OR8B2: variants seen among roughly 807,000 people sequenced by gnomAD.
The protein encoded by OR8B2 is olfactory receptor family 8 subfamily B member 2.
For synonymous variants in OR8B2, 98 were observed against 138.2 expected, an observed-to-expected ratio of 0.71 and a Z score of 2.04; for missense variants, 304 against 379.6, an observed-to-expected ratio of 0.80 and a Z score of 1.65.
chr11:124,391,622 A>G, the OR8B2 span, among the ~76,000 whole-genome samples: 1 of 152,202 alleles, frequency 6.6e-6, no homozygotes, highest in African/African-American at 2.4e-5. Context: ...GGTAATCAGT[A>G]GCTTACCAAC....
At chr11:124,395,493 A>G in the OR8B2 span, 1 of 152,206 alleles carries the variant, frequency 6.6e-6, no homozygotes. Context: ...TAGTTTATTA[A>G]AATTAATATA....
chr11:124,387,040 G>C (rs1860714142), upstream of OR8B2, among the ~76,000 whole-genome samples: 2 of 152,202 alleles, frequency 1.3e-5, no homozygotes, highest in Non-Finnish European at 2.9e-5. Flanking sequence ...GTGTTTTTTG[G>C]CTGCATAAAT....
rs777070024 is a variant in OR8B2 at position 124,382,767 on chromosome 11, A to T, written c.577T>A (p.Tyr193Asn). The stretch of plus-strand genomic sequence containing the variant: ...ATGAGAACAACCACCTCGTTGACAT[A>T]GGTGCTGGTGCAGGAAAGCTGGAGG... ...PLLQLSCTST[Y>N]VNEVVVLIVV... The change falls in exon 2 of 2, where the codon TAT becomes AAT. Residue 193 changes from tyrosine to asparagine, a missense_variant. By Grantham distance (143) the Tyr-to-Asn change is moderately radical (BLOSUM62 -2). Coordinates refer to ENST00000641451, the MANE Select transcript of OR8B2 (RefSeq NM_001005468.2). 1 of 1,613,674 alleles carries T rather than the reference A, an allele frequency of 6.2e-7. No homozygotes were observed. The highest frequency in any genetic ancestry group is 8.5e-7 in the Non-Finnish European group (1 of 1,179,690).
At chr11:124,389,054 G>C (rs1860744382), upstream of OR8B2, among the ~76,000 whole-genome samples, 1 of 151,986 alleles carries the variant, frequency 6.6e-6, no homozygotes, top group African/African-American at 2.4e-5. Context: ...TCAATCTCTT[G>C]ACCTCATGAT....
chr11:124,396,128 T>C, the OR8B2 span: 1 of 269,972 alleles, frequency 3.7e-6, no homozygotes, highest in East Asian at 7.0e-5. Flanking sequence ...ATATGTCCAA[T>C]TAAGAACAGC....
the OR8B2 span, among the ~76,000 whole-genome samples, chr11:124,395,291 A>C: frequency 6.6e-6 from 1 of 152,120 alleles, no homozygotes; most frequent in East Asian, 1.9e-4. Context: ...AAAACAAAAC[A>C]AAACAAAAAA....
the OR8B2 span, among the ~76,000 whole-genome samples, chr11:124,393,437 C>T: frequency 1.0e-3 from 152 of 144,968 alleles, 1 homozygote; most frequent in Non-Finnish European, 1.9e-3. Context: ...ACAACCCCAT[C>T]AAAAAGTGGG....
the OR8B2 span, among the ~76,000 whole-genome samples, chr11:124,394,722 T>C: frequency 6.6e-6 from 1 of 152,196 alleles, no homozygotes; most frequent in Admixed American, 6.5e-5. Flanking sequence ...AGACTTTCAG[T>C]CAGCCATGCA....
upstream of OR8B2, among the ~76,000 whole-genome samples, chr11:124,385,927 C>A (rs561471156): frequency 1.3e-5 from 2 of 152,086 alleles, no homozygotes; most frequent in Non-Finnish European, 2.9e-5. Flanking sequence ...AACCACCATG[C>A]CTGGCCTCTA....
rs762289623 is a variant in OR8B2, at chr11:124,382,788, G to A, written c.556C>T (p.Gln186Ter). The A allele has an allele frequency of 6.9e-6, 11 of 1,605,270 alleles. No individual in the cohort carries two copies. The highest frequency in any genetic ancestry group is 9.4e-6 in the Non-Finnish European group (11 of 1,172,520). Residue 186 changes from glutamine (Q) to a stop codon, truncating the protein, a stop_gained, in exon 2 of 2, where the codon CAG becomes TAG. Transcript: ENST00000641451. LOFTEE classifies it low-confidence loss of function (END_TRUNC). ...ACATAGGTGCTGGTGCAGGAAAGCT[G>A]GAGGAGGGGGAGTATGTCACACAAG... is the stretch of plus-strand genomic sequence containing the variant. ...HYLCDILPLL[Q>*]LSCTSTYVNE...
At chr11:124,391,336 T>G in the OR8B2 span, among the ~76,000 whole-genome samples, 1 of 151,394 alleles carries the variant, frequency 6.6e-6, no homozygotes, top group African/African-American at 2.4e-5. Flanking sequence ...GCTGGTTTTT[T>G]GAAAGGATCA....
In OR8B2 at chr11:124,382,567, A is replaced by G; in HGVS notation, c.777T>C (p.Tyr259=). The G allele has an allele frequency of 6.2e-7, 1 of 1,613,466 alleles. No individual in the cohort carries two copies. Among genetic ancestry groups the G allele is most frequent in the Non-Finnish European group, 8.5e-7 (1 of 1,179,698 alleles). Residue 259 remains tyrosine, a synonymous_variant, in exon 2 of 2, where the codon TAT becomes TAC. Transcript: ENST00000641451. ...SLFFGSAAFM[Y]IKYSSGSMEQ... is the part of the protein sequence containing the mutation. ...CCATAGATCCAGAAGAATATTTAAT[A>G]TACATGAATGCCGCTGACCCAAAAA...
chr11:124,397,072 A>T, the OR8B2 span: 17 of 1,613,942 alleles, frequency 1.1e-5, no homozygotes, highest in Middle Eastern at 1.7e-4. Flanking sequence ...CACCCAACAT[A>T]GGAGATAATA....
At chr11:124,396,884 G>A in the OR8B2 span, 2 of 1,605,828 alleles carry the variant, frequency 1.2e-6, no homozygotes, top group African/African-American at 1.3e-5. Flanking sequence ...TGTGGGCCGT[G>A]GCTCCAGCCA....
upstream of OR8B2, among the ~76,000 whole-genome samples, chr11:124,387,086 C>T (rs1423277650): frequency 3.9e-3 from 593 of 152,244 alleles, 1 homozygote; most frequent in African/African-American, 0.014. Flanking sequence ...ATATCCTTTG[C>T]CCACTTTTTG....
At chr11:124,383,885 G>A (rs1393343450) in intron 1 of OR8B2, among the ~76,000 whole-genome samples, 5 of 151,940 alleles carry the variant, frequency 3.3e-5, no homozygotes, top group African/African-American at 4.8e-5. Flanking sequence ...CTTAGTAGTC[G>A]AGGCCTTATG....
chr11:124,383,916 A>G lies in OR8B2; in HGVS notation c.-18+458T>C, dbSNP rs191020665. Among the ~76,000 whole-genome samples the G allele has an allele frequency of 3.3e-5, 5 of 152,310 alleles. No homozygotes were observed. The East Asian group carries it at 7.7e-4, about 24-fold the overall frequency. ...TTATGATTCACCACATACAAATCAC[A>G]TAAGTGTTTCTACACATTCTCCTCT... On this transcript the variant is annotated intron_variant, in intron 1 of 1. Coordinates refer to ENST00000641451, the MANE Select transcript of OR8B2 (RefSeq NM_001005468.2).
intron 1 of OR8B2, among the ~76,000 whole-genome samples, chr11:124,383,887 G>A (rs1431751806): frequency 1.3e-5 from 2 of 151,830 alleles, no homozygotes; most frequent in African/African-American, 4.8e-5. Flanking sequence ...TAGTAGTCGA[G>A]GCCTTATGAT....
upstream of OR8B2, among the ~76,000 whole-genome samples, chr11:124,386,414 C>A (rs1304237383): frequency 9.0e-6 from 1 of 110,786 alleles, no homozygotes; most frequent in African/African-American, 3.6e-5. Context: ...CCCCTCCCCC[C>A]ACCCCACAAC....
Sources: allele counts gnomAD v4.1 joint callset (sites outside exome capture counted in the v4.1 genomes callset), GRCh38; gene constraint gnomAD v4.1.1; transcripts MANE v1.5; gene names NCBI Gene and HGNC (gene_info 2026-07-23, HGNC 2026-07-21).